ADCY10: variants seen among roughly 807,000 people sequenced by gnomAD.
ADCY10 encodes adenylate cyclase type 10.
ADCY10 carries 156 observed loss-of-function variants against 183.3 expected under a neutral mutation model. The ratio of observed to expected loss-of-function variants is 0.85; its 90% confidence interval spans 0.75 to 0.97. The LOEUF is 0.97. Ranked by LOEUF, ADCY10 falls within the 50% of genes least tolerant of loss-of-function variation. The probability of loss-of-function intolerance (pLI) is 0.00; values close to 1 mark genes in which losing one functional copy is unlikely to be tolerated. For synonymous variants in ADCY10, 645 were observed against 670.0 expected (o/e 0.96, Z 0.58); for missense variants, 1,745 against 1,934.3 (o/e 0.90, Z 1.84).
intron 27 of ADCY10, 28 bp downstream of exon 27, chr1:167,824,623 T>C (rs966157460): frequency 1.2e-6 from 2 of 1,614,114 alleles, no homozygotes; most frequent in Non-Finnish European, 1.7e-6. Flanking sequence ...TGTATCCTCA[T>C]GTCCCATCTT....
rs1664196007 is a variant in ADCY10, at chr1:167,836,386, A to C, written c.3232T>G (p.Leu1078Val). 6.2e-7 allele frequency: 1 copy of C among 1,614,178 alleles called. No individual in the cohort carries two copies. The highest frequency in any genetic ancestry group is 1.3e-5 in the African/African-American group (1 of 75,052). Residue 1078 changes from leucine (L) to valine (V), a missense_variant, in exon 23 of 33, where the codon TTG (leucine) becomes GTG (valine). By Grantham distance (32) the Leu-to-Val change is conservative. Coordinates refer to ENST00000367851, the MANE Select transcript of ADCY10 (RefSeq NM_018417.6). ...ILPLAHHFLALGENDKALYYF... is the reference protein window; with the variant it reads ...ILPLAHHFLAVGENDKALYYF... ...TATAAGGCTTTGTCATTTTCTCCCA[A>C]AGCCAGAAAATGGTGGGCCAGAGGC...
chr1:167,912,271 C>T (rs1670193173), intron 1 of ADCY10, among the ~76,000 whole-genome samples: 1 of 152,170 alleles, frequency 6.6e-6, no homozygotes, highest in African/African-American at 2.4e-5. Context: ...CAGAAAATTT[C>T]TTGTAAAGCC....
At chr1:167,843,879 T>A (rs1664825560) in intron 21 of ADCY10, among the ~76,000 whole-genome samples, 1 of 152,136 alleles carries the variant, frequency 6.6e-6, no homozygotes, top group Non-Finnish European at 1.5e-5. Context: ...CCTCATCAGT[T>A]CTCACCAAAG....
intron 9 of ADCY10, among the ~76,000 whole-genome samples, chr1:167,882,608 G>A (rs939371124): frequency 2.0e-5 from 3 of 152,066 alleles, no homozygotes; most frequent in Non-Finnish European, 4.4e-5. Flanking sequence ...GGCTTTCTTG[G>A]AAACAAGCTT....
chr1:167,911,812 G>A (rs1223740443), intron 1 of ADCY10, among the ~76,000 whole-genome samples: 1 of 152,184 alleles, frequency 6.6e-6, no homozygotes, highest in African/African-American at 2.4e-5. Flanking sequence ...AGATGAATTA[G>A]ATGATTGTTA....
intron 17 of ADCY10, 92 bp downstream of exon 17, chr1:167,856,073 A>G: frequency 2.2e-6 from 3 of 1,379,084 alleles, no homozygotes; most frequent in Non-Finnish European, 2.0e-6. Flanking sequence ...TGAAATAGGC[A>G]CATCAAGACA....
At chr1:167,828,064 G>C (rs1029764362) in intron 26 of ADCY10, among the ~76,000 whole-genome samples, 3 of 152,100 alleles carry the variant, frequency 2.0e-5, no homozygotes, top group African/African-American at 7.2e-5. Context: ...ACCTTAAAAT[G>C]GGCAAAAACA....
intron 3 of ADCY10, among the ~76,000 whole-genome samples, chr1:167,902,733 C>A (rs1325733901): frequency 6.6e-6 from 1 of 152,164 alleles, no homozygotes; most frequent in Admixed American, 6.5e-5. Context: ...GCCAGGAGTT[C>A]ACCATAACAG....
At position 167,861,230 on chromosome 1, in the gene ADCY10, T is replaced by G. The variant is rs3738238; in HGVS notation, c.1617-167A>C. The stretch of plus-strand genomic sequence containing the variant: ...ATTGCTGCTTCTGATATACTCCCTC[T>G]TCTCCTGTTCCTAAGCCCTGATTAA... On this transcript the variant is annotated intron_variant, in intron 14 of 32. Coordinates refer to ENST00000367851, the MANE Select transcript of ADCY10 (RefSeq NM_018417.6). 0.05 allele frequency among the ~76,000 whole-genome samples: 7,570 copies of G among 152,276 alleles called. 354 individuals are homozygous for G. Among genetic ancestry groups the G allele is most frequent in the East Asian group, 0.23 (1,183 of 5,182 alleles).
chr1:167,900,670 T>C (rs981825443), intron 5 of ADCY10, among the ~76,000 whole-genome samples: 2 of 152,084 alleles, frequency 1.3e-5, no homozygotes, highest in African/African-American at 4.8e-5. Flanking sequence ...GTAGCTGAGA[T>C]TACAGGCACC....
At chr1:167,827,629 G>GCC (rs1298188456) in intron 26 of ADCY10, among the ~76,000 whole-genome samples, 1 of 151,968 alleles carries the variant, frequency 6.6e-6, no homozygotes, top group Non-Finnish European at 1.5e-5. Flanking sequence ...CATCCTGGGA[G>GCC]CCCTAGGGAT....
At position 167,846,218 on chromosome 1, in the gene ADCY10, A is replaced by G. The variant is rs996773471; in HGVS notation, c.2483T>C (p.Met828Thr). 6.2e-7 allele frequency: 1 copy of G among 1,614,112 alleles called. No homozygotes were observed. Among genetic ancestry groups the G allele is most frequent in the Non-Finnish European group, 8.5e-7 (1 of 1,180,050 alleles). Residue 828 changes from methionine (M) to threonine (T), a missense_variant, in exon 20 of 33, where the codon ATG becomes ACG. Transcript: ENST00000367851. Reference sequence around the variant, plus strand: ...AATGATGGCAGCACATCTCACCAGCATTTGGTGGGAAAGTCTCATGCTATC... The same window carrying G: ...AATGATGGCAGCACATCTCACCAGCGTTTGGTGGGAAAGTCTCATGCTATC... ...QLDSMRLSHQ[M>T]LVRCAAIIGL...
chr1:167,896,770 G>A (rs1669006599), intron 6 of ADCY10, 79 bp from the exon 7 acceptor site: 1 of 1,010,004 alleles, frequency 9.9e-7, no homozygotes, highest in Non-Finnish European at 1.6e-6. Context: ...TTAGCAGAAA[G>A]AGAGTATGCT....
Position 167,845,985 on chromosome 1 carries a change from C to T in ADCY10, c.2716G>A (p.Asp906Asn). Reference protein sequence around the residue: ...SLSLKPSEGMDHGEEEQLREL... With the variant: ...SLSLKPSEGMNHGEEEQLREL... ...TTGGGTCACTCCAGGTGCTACTCAC[C>T]CATCCCTTCACTGGGCTTCAGAGAC... is the stretch of plus-strand genomic sequence containing the variant. Residue 906 changes from aspartate (D) to asparagine (N), a missense_variant and splice_region_variant, in exon 20 of 33, where the codon GAT (aspartate) becomes AAT (asparagine). Coordinates refer to ENST00000367851, the MANE Select transcript of ADCY10 (RefSeq NM_018417.6). The T allele has an allele frequency of 6.2e-7, 1 of 1,614,148 alleles. No individual in the cohort carries two copies. The highest frequency in any genetic ancestry group is 1.1e-5 in the South Asian group (1 of 91,062).
At chr1:167,840,073 G>GA (rs969416245) in intron 21 of ADCY10, among the ~76,000 whole-genome samples, 1 of 148,810 alleles carries the variant, frequency 6.7e-6, no homozygotes. Flanking sequence ...AAAAAGAAAA[G>GA]AAAAAAAAAT....
intron 13 of ADCY10, among the ~76,000 whole-genome samples, chr1:167,871,716 T>C (rs545621891): frequency 9.0e-4 from 137 of 152,374 alleles, no homozygotes; most frequent in Non-Finnish European, 1.5e-3. Flanking sequence ...AATTCAAGTG[T>C]AGACATTTAA....
At chr1:167,912,696 T>G (rs558907252) in intron 1 of ADCY10, among the ~76,000 whole-genome samples, 43 of 152,324 alleles carry the variant, frequency 2.8e-4, no homozygotes, top group African/African-American at 1.0e-3. Flanking sequence ...TCTTGCCTAT[T>G]AAACTCTCCG....
Position 167,809,841 on chromosome 1 carries a change from TGAGAG to T in ADCY10, c.4672-7_4672-3del, listed in dbSNP as rs1381659763. 6.2e-7 allele frequency: 1 copy of T among 1,613,864 alleles called. No homozygotes were observed. Among genetic ancestry groups the T allele is most frequent in the Admixed American group, 1.7e-5 (1 of 60,000 alleles). On this transcript the variant is annotated splice_polypyrimidine_tract_variant and splice_region_variant and intron_variant, in intron 32 of 32. Transcript: ENST00000367851. ...CTCAGAGGTTGAGTACCATGATTCC[TGAGAG>T]GAAAGAAACAGAACAAAGAAATCAT...
chr1:167,829,024 T>C (rs1169911289), intron 26 of ADCY10, among the ~76,000 whole-genome samples: 1 of 152,218 alleles, frequency 6.6e-6, no homozygotes. Flanking sequence ...TTGTTTCTTA[T>C]ATGCTATCAA....
Sources: allele counts gnomAD v4.1 joint callset (sites outside exome capture counted in the v4.1 genomes callset), GRCh38; gene constraint gnomAD v4.1.1; transcripts MANE v1.5; gene names NCBI Gene and HGNC (gene_info 2026-07-23, HGNC 2026-07-21).